BAG5: variants seen among roughly 807,000 people sequenced by gnomAD.
The protein encoded by BAG5 is BAG family molecular chaperone regulator 5.
A neutral mutation model predicts 31.8 loss-of-function variants in BAG5; 25 were observed. The ratio of observed to expected loss-of-function variants is 0.79; its 90% CI spans 0.57 to 1.10. The LOEUF is 1.10. Among genes scored for constraint, BAG5 ranks in the 50% least tolerant of loss-of-function variants. BAG5 has a pLI of 0.00. For synonymous variants in BAG5, 208 were observed against 205.0 expected, an observed-to-expected ratio of 1.01 and a Z score of -0.13; for missense variants, 491 against 527.9, an observed-to-expected ratio of 0.93 and a Z score of 0.68.
intron 1 of BAG5, chr14:103,561,645 T>G: frequency 2.1e-6 from 1 of 467,748 alleles, no homozygotes. Context: ...CTCTCAGACA[T>G]CCCCAAGGTC....
At position 103,560,224 on chromosome 14, in the gene BAG5, A is replaced by C; in HGVS notation, c.941T>G (p.Ile314Ser). The C allele has an allele frequency of 6.2e-7, 1 of 1,614,170 alleles. No individual in the cohort carries two copies. Among genetic ancestry groups the C allele is most frequent in the Non-Finnish European group, 8.5e-7 (1 of 1,180,034 alleles). The change falls in exon 2 of 2, where the codon ATT becomes AGT. Residue 314 changes from isoleucine to serine, a missense_variant. Ile to Ser is a moderately radical substitution (Grantham distance 142, BLOSUM62 -2). Transcript: ENST00000299204. ...AAGACTTACCTCATCCAACTGTCCA[A>C]TTAAACCCTGCAATTCTGTTTTGGA... is the stretch of plus-strand genomic sequence containing the variant. ...LSSKTELQGL[I>S]GQLDEVSLEK...
rs2076057987 is a variant in BAG5 at position 103,559,719 on chromosome 14, G to A, written c.*102C>T. ...AGAATTTGCTTCAATCATAAATACT[G>A]AGACTGAAATATGCACGTATAAATC... On this transcript the variant is annotated 3_prime_UTR_variant, in exon 2 of 2. Coordinates refer to ENST00000299204, the MANE Select transcript of BAG5 (RefSeq NM_001015048.3). 1.4e-6 allele frequency: 2 copies of A among 1,392,936 alleles called. No individual in the cohort carries two copies. Among genetic ancestry groups the A allele is most frequent in the Non-Finnish European group, 1.9e-6 (2 of 1,034,126 alleles). 86.3% of individuals were successfully genotyped at this position (1,392,936 alleles called of 1,614,324 possible). A position where few individuals can be genotyped will look rare whatever the true frequency, so the allele number is the denominator to read the frequency against.
In BAG5 at chr14:103,560,619, G is replaced by T; in HGVS notation, c.546C>A (p.Ser182=). 6.2e-7 allele frequency: 1 copy of T among 1,614,152 alleles called. No individual in the cohort carries two copies. Among genetic ancestry groups the T allele is most frequent in the South Asian group, 1.1e-5 (1 of 91,080 alleles). Residue 182 remains serine (S), a synonymous_variant, in exon 2 of 2, where the codon TCC becomes TCA. Transcript: ENST00000299204. ...ACATCACGAAGTTGATTTTGGCAACGGAAGGATGTGCATCCTCGGAAAGCG... is the reference window on the plus strand; with the variant it reads ...ACATCACGAAGTTGATTTTGGCAACTGAAGGATGTGCATCCTCGGAAAGCG... ...SLPLSEDAHP[S]VAKINFVMCE...
rs775470045 is a variant in BAG5 at position 103,557,544 on chromosome 14, G to A, written c.*2277C>T. ...CTTGTTTGAAAAGAATGACTGAAACGTCTACTTTCAAAGAACAATGGACAC... is the reference window on the plus strand; with the variant it reads ...CTTGTTTGAAAAGAATGACTGAAACATCTACTTTCAAAGAACAATGGACAC... On this transcript the variant is annotated 3_prime_UTR_variant, in exon 2 of 2. Coordinates refer to ENST00000299204, the MANE Select transcript of BAG5 (RefSeq NM_001015048.3). The A allele has an allele frequency of 6.6e-6, 1 of 152,134 alleles. No homozygotes were observed. The highest frequency in any genetic ancestry group is 1.5e-5 in the Non-Finnish European group (1 of 68,036). The allele number at this position is 152,134 out of a possible 1,614,324, so 9.4% of individuals were successfully genotyped here.
chr14:103,561,702 A>G, intron 1 of BAG5: 1 of 546,940 alleles, frequency 1.8e-6, no homozygotes, highest in East Asian at 3.0e-5. Flanking sequence ...TCCCCTCCCC[A>G]CCCTTTTAGC....
chr14:103,558,958 C>T lies in BAG5; in HGVS notation c.*863G>A, dbSNP rs1201168673. 3 of 151,770 alleles carry T rather than the reference C, an allele frequency of 2.0e-5. No individual in the cohort carries two copies. The highest frequency in any genetic ancestry group is 4.4e-5 in the Non-Finnish European group (3 of 67,976). 9.4% of individuals were successfully genotyped at this position (151,770 alleles called of 1,614,324 possible). A position where few individuals can be genotyped will look rare whatever the true frequency, so the allele number is the denominator to read the frequency against. ...TTAGTATAACCTGACATTGGTAACC[C>T]GTCTCCAGTATTCATCCTCCAACTA... On this transcript the variant is annotated 3_prime_UTR_variant, in exon 2 of 2. Coordinates refer to ENST00000299204, the MANE Select transcript of BAG5 (RefSeq NM_001015048.3).
rs767872752 is a variant in BAG5 at position 103,560,111 on chromosome 14, G to C, written c.1054C>G (p.Leu352Val). ...LITYIDLKEA[L>V]EKRKLFACEE... is the part of the protein sequence containing the mutation. ...CAAGCAAACAGCTTTCTTTTCTCAA[G>C]GGCCTCCTTCAAGTCAATATATGTG... Residue 352 changes from leucine to valine, a missense_variant, in exon 2 of 2, where the codon CTT becomes GTT. Leu to Val is a conservative substitution (Grantham distance 32). Transcript: ENST00000299204. 7 of 1,614,130 alleles carry C rather than the reference G, an allele frequency of 4.3e-6. No homozygotes were observed. Among genetic ancestry groups the C allele is most frequent in the Non-Finnish European group, 5.1e-6 (6 of 1,180,036 alleles).
At position 103,559,708 on chromosome 14, in the gene BAG5, T is replaced by G. The variant is rs995814594; in HGVS notation, c.*113A>C. On this transcript the variant is annotated 3_prime_UTR_variant, in exon 2 of 2. Transcript: ENST00000299204. ...AGATACTGAATAGAATTTGCTTCAA[T>G]CATAAATACTGAGACTGAAATATGC... 21 of 1,327,868 alleles carry G rather than the reference T, an allele frequency of 1.6e-5. No individual in the cohort carries two copies. The highest frequency in any genetic ancestry group is 2.4e-5 in the Admixed American group (1 of 42,280). 82.3% of individuals were successfully genotyped at this position (1,327,868 alleles called of 1,614,324 possible). A position where few individuals can be genotyped will look rare whatever the true frequency, so the allele number is the denominator to read the frequency against.
Position 103,559,991 on chromosome 14 carries a change from C to A in BAG5, c.1174G>T (p.Asp392Tyr). Residue 392 changes from aspartate to tyrosine, a missense_variant, in exon 2 of 2, where the codon GAT (aspartate) becomes TAT (tyrosine). Physicochemically the swap from Asp to Tyr is radical, Grantham distance 160. Transcript: ENST00000299204. Reference sequence around the variant, plus strand: ...TCTTCCAGCCGGATGTAGTTCTTATCGGTTCGATTTCCATCAAATGAAAGA... The same window carrying A: ...TCTTCCAGCCGGATGTAGTTCTTATAGGTTCGATTTCCATCAAATGAAAGA... ...EVLSFDGNRT[D>Y]KNYIRLEELL... 6.2e-7 allele frequency: 1 copy of A among 1,614,204 alleles called. No individual in the cohort carries two copies. Among genetic ancestry groups the A allele is most frequent in the Non-Finnish European group, 8.5e-7 (1 of 1,180,030 alleles).
At chr14:103,561,930 C>CAA in intron 1 of BAG5, 1 of 1,612,886 alleles carries the variant, frequency 6.2e-7, no homozygotes, top group South Asian at 1.1e-5. Flanking sequence ...TGGGAGTCCA[C>CAA]AATGGCCTAA....
Position 103,560,055 on chromosome 14 carries a change from C to G in BAG5, c.1110G>C (p.Trp370Cys). ...CEEHPSHKAVWNVLGNLSEIQ... is the reference protein window; with the variant it reads ...CEEHPSHKAVCNVLGNLSEIQ... ...TCTCAGACAAGTTTCCAAGGACGTT[C>G]CAGACGGCTTTATGGGATGGGTGCT... The change falls in exon 2 of 2, where the codon TGG (tryptophan) becomes TGC (cysteine). Residue 370 changes from tryptophan (W) to cysteine (C), a missense_variant. Transcript: ENST00000299204. 1 of 1,614,202 alleles carries G rather than the reference C, an allele frequency of 6.2e-7. No homozygotes were observed.
intron 1 of BAG5, chr14:103,562,027 T>G: frequency 6.4e-7 from 1 of 1,574,768 alleles, no homozygotes; most frequent in Non-Finnish European, 8.7e-7. Flanking sequence ...CCGGCGGATG[T>G]CCTGGAGGCC....
intron 1 of BAG5, chr14:103,561,892 A>C: frequency 1.3e-6 from 2 of 1,556,332 alleles, no homozygotes; most frequent in Non-Finnish European, 1.8e-6. Context: ...CGTGGTAACT[A>C]TGAATAATTC....
chr14:103,557,222 C>G lies in BAG5; in HGVS notation c.*2599G>C, dbSNP rs964875201. ...ATCACAAAAATACAATACAATGTGA[C>G]AAGCCCAGTTTAAGAATTACATGCA... On this transcript the variant is annotated 3_prime_UTR_variant, in exon 2 of 2. Transcript: ENST00000299204. 2.0e-5 allele frequency: 3 copies of G among 152,184 alleles called. No individual in the cohort carries two copies. The highest frequency in any genetic ancestry group is 7.2e-5 in the African/African-American group (3 of 41,432). The allele number at this position is 152,184 out of a possible 1,614,324, so 9.4% of individuals were successfully genotyped here. A position where few individuals can be genotyped will look rare whatever the true frequency, so the allele number is the denominator to read the frequency against.
At position 103,558,108 on chromosome 14, in the gene BAG5, G is replaced by A. The variant is rs551217744; in HGVS notation, c.*1713C>T. 2 of 152,292 alleles carry A rather than the reference G, an allele frequency of 1.3e-5. No homozygotes were observed. The highest frequency in any genetic ancestry group is 2.9e-5 in the Non-Finnish European group (2 of 68,022). The allele number at this position is 152,292 out of a possible 1,614,324, so 9.4% of individuals were successfully genotyped here. A position where few individuals can be genotyped will look rare whatever the true frequency, so the allele number is the denominator to read the frequency against. On this transcript the variant is annotated 3_prime_UTR_variant, in exon 2 of 2. Transcript: ENST00000299204. ...AACGTGGATTCCAATGACCTGCCTT[G>A]AGCCCGCGGTTGCCAGGAGTTGGAC...
intron 1 of BAG5, chr14:103,562,211 C>T (rs1420933942): frequency 6.8e-6 from 4 of 585,610 alleles, no homozygotes; most frequent in Non-Finnish European, 1.2e-5. Flanking sequence ...CAGCTGCATG[C>T]CTCGCACCCC....
rs2076068755 is a variant in BAG5, at chr14:103,560,999, C to T, written c.166G>A (p.Val56Ile). ...LTKQLFEIDS[V>I]DTEGKGDIQQ... ...ATATCTCCTTTTCCTTCAGTATCTA[C>T]AGAGTCTATTTCAAAAAGCTGTTTT... is the stretch of plus-strand genomic sequence containing the variant. The change falls in exon 2 of 2, where the codon GTA becomes ATA. Residue 56 changes from valine to isoleucine, a missense_variant. By Grantham distance (29) the Val-to-Ile change is conservative. Transcript: ENST00000299204. 1.9e-6 allele frequency: 3 copies of T among 1,614,150 alleles called. No individual in the cohort carries two copies. The highest frequency in any genetic ancestry group is 2.2e-5 in the South Asian group (2 of 91,082).
Position 103,560,454 on chromosome 14 carries a change from T to G in BAG5, c.711A>C (p.Glu237Asp), listed in dbSNP as rs1229990587. 2 of 1,614,050 alleles carry G rather than the reference T, an allele frequency of 1.2e-6. No homozygotes were observed. The highest frequency in any genetic ancestry group is 2.7e-5 in the African/African-American group (2 of 74,912). ...LDALDVCGRT[E>D]IRNYRREVVE... ...CTACCTCCCTCCGATAATTTCTGAT[T>G]TCTGTCCGGCCGCACACATCTAGAG... The change falls in exon 2 of 2, where the codon GAA (glutamate) becomes GAC (aspartate). Residue 237 changes from glutamate to aspartate, a missense_variant. By Grantham distance (45) the Glu-to-Asp change is conservative. Coordinates refer to ENST00000299204, the MANE Select transcript of BAG5 (RefSeq NM_001015048.3).
rs2142260471 is a variant in BAG5, at chr14:103,559,706, A to T, written c.*115T>A. 2 of 1,314,018 alleles carry T rather than the reference A, an allele frequency of 1.5e-6. No individual in the cohort carries two copies. The highest frequency in any genetic ancestry group is 2.9e-5 in the South Asian group (2 of 68,570). 81.4% of individuals were successfully genotyped at this position (1,314,018 alleles called of 1,614,324 possible). A position where few individuals can be genotyped will look rare whatever the true frequency, so the allele number is the denominator to read the frequency against. On this transcript the variant is annotated 3_prime_UTR_variant, in exon 2 of 2. Transcript: ENST00000299204. Reference sequence around the variant, plus strand: ...GCAGATACTGAATAGAATTTGCTTCAATCATAAATACTGAGACTGAAATAT... The same window carrying T: ...GCAGATACTGAATAGAATTTGCTTCTATCATAAATACTGAGACTGAAATAT...
Sources: gnomAD v4.1 joint callset for allele counts on GRCh38, gnomAD v4.1.1 for gene constraint, MANE v1.5 for transcripts, NCBI Gene and HGNC (gene_info 2026-07-23, HGNC 2026-07-21) for gene names.